Variants in MIS18A observed in about 807,000 individuals in gnomAD.
The protein encoded by MIS18A is protein Mis18-alpha.
In MIS18A, 14 loss-of-function variants were observed where a neutral mutation model predicts 25.0. The observed-to-expected ratio is 0.56, with a 90% confidence interval of 0.37 to 0.88. The LOEUF is 0.88. Ranked by LOEUF, MIS18A falls within the 40% of genes least tolerant of loss-of-function variation. The pLI is 0.00. For synonymous variants in MIS18A, 134 were observed against 118.6 expected, an observed-to-expected ratio of 1.13 and a Z score of -0.84; for missense variants, 292 against 290.8, an observed-to-expected ratio of 1.00 and a Z score of -0.03.
At chr21:32,205,243 T>C in the MIS18A span, among the ~76,000 whole-genome samples, 1 of 151,476 alleles carries the variant, frequency 6.6e-6, no homozygotes, top group African/African-American at 2.4e-5. Flanking sequence ...TAGCTGGGAC[T>C]ACAGGCGCCT....
chr21:32,193,394 C>T, the MIS18A span, among the ~76,000 whole-genome samples: 2 of 152,182 alleles, frequency 1.3e-5, no homozygotes, highest in African/African-American at 4.8e-5. Context: ...TCGCACGTTT[C>T]AGCCCAAAGA....
the MIS18A span, among the ~76,000 whole-genome samples, chr21:32,205,219 C>T: frequency 6.6e-6 from 1 of 150,594 alleles, no homozygotes; most frequent in Non-Finnish European, 1.5e-5. Flanking sequence ...ACTCTCCTGC[C>T]TCAGCCTCCT....
At chr21:32,218,645 C>T in the MIS18A span, among the ~76,000 whole-genome samples, 9 of 150,974 alleles carry the variant, frequency 6.0e-5, no homozygotes, top group South Asian at 2.1e-4. Flanking sequence ...GCAACAAATA[C>T]GAAAAAACTA....
the MIS18A span, among the ~76,000 whole-genome samples, chr21:32,158,226 G>A: frequency 6.6e-6 from 1 of 151,998 alleles, no homozygotes; most frequent in African/African-American, 2.4e-5. Flanking sequence ...AAAGTTACAG[G>A]AGCCAACAAA....
At chr21:32,176,003 G>A in the MIS18A span, among the ~76,000 whole-genome samples, 69 of 151,930 alleles carry the variant, frequency 4.5e-4, no homozygotes, top group African/African-American at 1.5e-3. Flanking sequence ...ACAGTCTTCC[G>A]CCTCCACATT....
intron 2 of MIS18A, 82 bp downstream of exon 2, chr21:32,274,748 T>C: frequency 2.8e-6 from 3 of 1,057,708 alleles, no homozygotes; most frequent in Non-Finnish European, 4.2e-6. Flanking sequence ...TCCCAAGTAA[T>C]CTTACTACTA....
chr21:32,234,106 T>C, the MIS18A span, among the ~76,000 whole-genome samples: 2 of 152,230 alleles, frequency 1.3e-5, no homozygotes, highest in African/African-American at 4.8e-5. Context: ...ATCCGTTCAT[T>C]ATTTGTGACA....
intron 2 of MIS18A, among the ~76,000 whole-genome samples, chr21:32,272,487 C>A (rs1272260020): frequency 6.6e-6 from 1 of 152,206 alleles, no homozygotes; most frequent in African/African-American, 2.4e-5. Context: ...AGAGTGAATT[C>A]TCTATCAATC....
chr21:32,170,114 G>A, the MIS18A span, among the ~76,000 whole-genome samples: 1 of 152,022 alleles, frequency 6.6e-6, no homozygotes, highest in Non-Finnish European at 1.5e-5. Flanking sequence ...AAAAGAAACT[G>A]TATCCAAAGA....
At chr21:32,200,559 G>A in the MIS18A span, among the ~76,000 whole-genome samples, 4 of 150,822 alleles carry the variant, frequency 2.7e-5, no homozygotes, top group African/African-American at 2.4e-5. Flanking sequence ...TCAGCCTCCC[G>A]AGTAGCTGGG....
the MIS18A span, among the ~76,000 whole-genome samples, chr21:32,187,970 T>G: frequency 2.2e-4 from 33 of 151,318 alleles, no homozygotes; most frequent in Admixed American, 2.0e-3. Flanking sequence ...ATCAGGGTCT[T>G]CACAAGAAGA....
At chr21:32,217,718 A>G in the MIS18A span, among the ~76,000 whole-genome samples, 2 of 152,196 alleles carry the variant, frequency 1.3e-5, no homozygotes, top group Non-Finnish European at 2.9e-5. Context: ...GCAGCAAGAC[A>G]GTAGAGATCC....
At chr21:32,248,371 A>C in the MIS18A span, among the ~76,000 whole-genome samples, 7 of 152,108 alleles carry the variant, frequency 4.6e-5, no homozygotes, top group East Asian at 1.3e-3. Flanking sequence ...AGGGATCTGC[A>C]CTCAAGCTTC....
At chr21:32,268,106 C>T (rs1197757650), downstream of MIS18A, 3 of 152,262 alleles carry the variant, frequency 2.0e-5, no homozygotes, top group Admixed American at 2.0e-4. Context: ...TTTGGGGTTA[C>T]CTTTATATTC....
the MIS18A span, among the ~76,000 whole-genome samples, chr21:32,166,621 T>C: frequency 1.3e-5 from 2 of 152,298 alleles, no homozygotes; most frequent in Admixed American, 1.3e-4. Flanking sequence ...TGATGCTAAA[T>C]TGCAATCCAA....
the MIS18A span, among the ~76,000 whole-genome samples, chr21:32,255,705 C>T: frequency 2.6e-4 from 40 of 151,604 alleles, no homozygotes; most frequent in Middle Eastern, 3.4e-3. Flanking sequence ...CTGGCTAACA[C>T]GGTGAAACCC....
chr21:32,187,807 T>A, the MIS18A span, among the ~76,000 whole-genome samples: 4 of 152,178 alleles, frequency 2.6e-5, no homozygotes, highest in African/African-American at 9.7e-5. Flanking sequence ...TTACCCTATT[T>A]GCATGCTAAC....
At chr21:32,167,549 T>C in the MIS18A span, among the ~76,000 whole-genome samples, 3 of 152,172 alleles carry the variant, frequency 2.0e-5, no homozygotes, top group South Asian at 2.1e-4. Context: ...AGCTGCAAGA[T>C]AGGTCAGCAG....
At chr21:32,203,963 A>C in the MIS18A span, among the ~76,000 whole-genome samples, 1 of 152,050 alleles carries the variant, frequency 6.6e-6, no homozygotes. Flanking sequence ...ATGGAAGACA[A>C]GGCCCAATCA....
Sources: allele counts gnomAD v4.1 joint callset (sites outside exome capture counted in the v4.1 genomes callset), GRCh38; gene constraint gnomAD v4.1.1; transcripts MANE v1.5; gene names NCBI Gene and HGNC (gene_info 2026-07-23, HGNC 2026-07-21).